The following C8B variants were observed in gnomAD, a reference collection of about 807,000 sequenced individuals.
C8B encodes complement component C8 beta chain.
A neutral mutation model predicts 64.6 loss-of-function variants in C8B; 67 were observed. The ratio of observed to expected loss-of-function variants is 1.04; its 90% confidence interval spans 0.85 to 1.27. The LOEUF is 1.27. C8B is among the 50% of genes most tolerant of loss of function. The pLI is 0.00. For synonymous variants in C8B, 284 were observed against 257.7 expected, an observed-to-expected ratio of 1.10 and a Z score of -0.98; for missense variants, 790 against 725.2, an observed-to-expected ratio of 1.09 and a Z score of -1.03.
chr1:56,932,587 C>T (rs1644717609), intron 10 of C8B, among the ~76,000 whole-genome samples: 1 of 152,154 alleles, frequency 6.6e-6, no homozygotes. Context: ...ACATAGGGGT[C>T]CTTGTGCTGA....
chr1:56,951,980 G>C, intron 5 of C8B, 68 bp downstream of exon 5: 1 of 717,310 alleles, frequency 1.4e-6, no homozygotes, highest in East Asian at 3.8e-5. Context: ...CTGTCAGGCC[G>C]GACCATGGAC....
intron 9 of C8B, among the ~76,000 whole-genome samples, chr1:56,939,385 G>A (rs1321733336): frequency 6.6e-6 from 1 of 152,192 alleles, no homozygotes; most frequent in Non-Finnish European, 1.5e-5. Flanking sequence ...TTGAATGGCA[G>A]CCTTCTTGTT....
chr1:56,965,149 T>G (rs1645234605), intron 1 of C8B, among the ~76,000 whole-genome samples: 1 of 152,120 alleles, frequency 6.6e-6, no homozygotes, highest in Non-Finnish European at 1.5e-5. Context: ...CACAGGAGTG[T>G]TTACATGGAG....
intron 2 of C8B, among the ~76,000 whole-genome samples, chr1:56,958,358 T>C (rs894843034): frequency 5.3e-5 from 8 of 152,176 alleles, no homozygotes; most frequent in African/African-American, 1.9e-4. Context: ...CTTTATGGCA[T>C]CTATACTTTG....
chr1:56,940,721 T>C (rs1570379744), intron 9 of C8B, 128 bp downstream of exon 9: 4 of 950,600 alleles, frequency 4.2e-6, no homozygotes, highest in Middle Eastern at 2.3e-4. Context: ...TTTTCTACTA[T>C]CGTATATGTG....
intron 6 of C8B, 114 bp from the exon 7 acceptor site, chr1:56,946,175 T>A: frequency 8.1e-7 from 1 of 1,233,662 alleles, no homozygotes; most frequent in Non-Finnish European, 1.2e-6. Context: ...ATCACTCTTA[T>A]GATTCCTTTA....
Position 56,956,758 on chromosome 1 carries a change from T to G in C8B, c.391+11A>C, listed in dbSNP as rs1336659380. On this transcript the variant is annotated intron_variant, in intron 3 of 11. Coordinates refer to ENST00000371237, the MANE Select transcript of C8B (RefSeq NM_000066.4). ...CAGGCTTTCCCCTCTTACTCCTACA[T>G]TGATTTATACCTGTCTGTGCACACA... 1 of 1,613,620 alleles carries G rather than the reference T, an allele frequency of 6.2e-7. No individual in the cohort carries two copies. The highest frequency in any genetic ancestry group is 1.3e-5 in the African/African-American group (1 of 74,898).
In C8B at chr1:56,940,858, G is replaced by A; in HGVS notation, c.1389C>T (p.Ile463=). 6.2e-7 allele frequency: 1 copy of A among 1,614,006 alleles called. No individual in the cohort carries two copies. Among genetic ancestry groups the A allele is most frequent in the Non-Finnish European group, 8.5e-7 (1 of 1,179,992 alleles). ...GAGCAGCGTTGTGTACCTTAACTTT[G>A]ATGATGGCTGGGTTGTACTGCACAG... ...GDAVQYNPAI[I]KVKVEPLYEL... The change falls in exon 9 of 12, where the codon ATC becomes ATT. Residue 463 remains isoleucine (I), a synonymous_variant. Transcript: ENST00000371237.
At chr1:56,944,135 A>T (rs1435387627) in intron 7 of C8B, among the ~76,000 whole-genome samples, 3 of 152,206 alleles carry the variant, frequency 2.0e-5, no homozygotes, top group African/African-American at 7.2e-5. Context: ...TTCTCTAGGG[A>T]TAGATCCAGT....
chr1:56,965,833 G>C, intron 1 of C8B, 24 bp downstream of exon 1: 2 of 1,613,012 alleles, frequency 1.2e-6, no homozygotes, highest in Non-Finnish European at 1.7e-6. Context: ...ATTGATCAGG[G>C]AATTATTGGT....
At chr1:56,952,657 T>C (rs1268233259) in intron 4 of C8B, among the ~76,000 whole-genome samples, 1 of 152,190 alleles carries the variant, frequency 6.6e-6, no homozygotes, top group Non-Finnish European at 1.5e-5. Context: ...GGTAGCATAA[T>C]AGATAAGTGC....
At chr1:56,936,407 A>G (rs1644775122) in intron 9 of C8B, among the ~76,000 whole-genome samples, 2 of 152,162 alleles carry the variant, frequency 1.3e-5, no homozygotes, top group Non-Finnish European at 2.9e-5. Flanking sequence ...ACAGAAGTTA[A>G]ACATTTTGCA....
intron 8 of C8B, among the ~76,000 whole-genome samples, chr1:56,942,551 A>G (rs139439458): frequency 0.052 from 7,936 of 152,024 alleles, 391 homozygotes; most frequent in African/African-American, 0.12. Flanking sequence ...CTAAAAATAC[A>G]AATATTAGCC....
chr1:56,930,278 G>A (rs2101346501), intron 11 of C8B, among the ~76,000 whole-genome samples: 1 of 152,288 alleles, frequency 6.6e-6, no homozygotes, highest in South Asian at 2.1e-4. Flanking sequence ...CCTGACACTT[G>A]GCTTTCACTT....
At chr1:56,934,920 A>G (rs1557727431) in intron 9 of C8B, among the ~76,000 whole-genome samples, 1 of 152,210 alleles carries the variant, frequency 6.6e-6, no homozygotes, top group African/African-American at 2.4e-5. Flanking sequence ...TTTTCCTACC[A>G]GCACTGGGGT....
chr1:56,965,398 A>AGAGAGAGT (rs1553120321), intron 1 of C8B, among the ~76,000 whole-genome samples: 43 of 142,680 alleles, frequency 3.0e-4, no homozygotes, highest in Admixed American at 2.7e-3. Flanking sequence ...AGAGAGAGAG[A>AGAGAGAGT]GTGTGTGTGT....
At position 56,965,423 on chromosome 1, in the gene C8B, G is replaced by GTA. The variant is rs895619512; in HGVS notation, c.92+432_92+433dup. Reference sequence around the variant, plus strand: ...AGTGTGTGTGTGTGTGTGTGTGTGTGTAAGAAGGGGGTGGGAAAGAACCTG... The same window carrying GTA: ...AGTGTGTGTGTGTGTGTGTGTGTGTGTATAAGAAGGGGGTGGGAAAGAACCTG... On this transcript the variant is annotated intron_variant, in intron 1 of 11. Coordinates refer to ENST00000371237, the MANE Select transcript of C8B (RefSeq NM_000066.4). Among the ~76,000 whole-genome samples the GTA allele has an allele frequency of 5.3e-5, 8 of 151,904 alleles. No homozygotes were observed. The South Asian group carries it at 1.2e-3, about 24-fold the overall frequency.
At chr1:56,952,479 C>G (rs190707702) in intron 4 of C8B, among the ~76,000 whole-genome samples, 16 of 152,276 alleles carry the variant, frequency 1.1e-4, no homozygotes, top group Middle Eastern at 3.4e-3. Context: ...TTATCTCTGA[C>G]TTGTCTGTCA....
In C8B at chr1:56,929,522, T is replaced by A; in HGVS notation, c.1658A>T (p.Asn553Ile). The part of the protein sequence containing the change: ...PIDGKWNCWS[N>I]WSSCSGRRKT... The stretch of plus-strand genomic sequence containing the variant: ...ACGTCTTCCAGAGCATGAAGACCAA[T>A]TTGACCAGCAATTCCACTTCCCATC... The change falls in exon 12 of 12, where the codon AAT becomes ATT. Residue 553 changes from asparagine to isoleucine, a missense_variant. Transcript: ENST00000371237. 1 of 1,613,910 alleles carries A rather than the reference T, an allele frequency of 6.2e-7. No individual in the cohort carries two copies. The highest frequency in any genetic ancestry group is 1.1e-5 in the South Asian group (1 of 91,076).
Sources: gnomAD v4.1 joint callset for allele counts (sites outside exome capture counted in the v4.1 genomes callset) on GRCh38, gnomAD v4.1.1 for gene constraint, MANE v1.5 for transcripts, NCBI Gene and HGNC (gene_info 2026-07-23, HGNC 2026-07-21) for gene names.